CLINT1: variants seen among roughly 807,000 people sequenced by gnomAD.
The protein encoded by CLINT1 is clathrin interacting protein localized in the trans-Golgi region.
Under a neutral mutation model 70.4 loss-of-function variants are expected in CLINT1, and 15 were observed. That is an observed-to-expected ratio of 0.21 (90% CI 0.14 to 0.33). The LOEUF (loss-of-function observed/expected upper bound fraction) is 0.33, where lower values mean the gene tolerates loss of function less well. CLINT1 is among the 10% of genes least tolerant of loss of function. The pLI, the probability that CLINT1 is intolerant of heterozygous loss-of-function variation, is 1.00. For missense variants in CLINT1, 615 were observed against 778.1 expected (o/e 0.79, Z 2.49); for synonymous variants, 227 against 254.7 (o/e 0.89, Z 1.04).
At chr5:157,798,477 C>T (rs933227587) in intron 8 of CLINT1, among the ~76,000 whole-genome samples, 2 of 151,898 alleles carry the variant, frequency 1.3e-5, no homozygotes, top group South Asian at 2.1e-4. Flanking sequence ...AGTACTTAAA[C>T]GACAAATGGA....
intron 1 of CLINT1, among the ~76,000 whole-genome samples, chr5:157,844,244 CA>C (rs1753292985): frequency 6.6e-6 from 1 of 151,998 alleles, no homozygotes; most frequent in Non-Finnish European, 1.5e-5. Flanking sequence ...CTCAAGTTCT[CA>C]AAAAAGAAAC....
intron 1 of CLINT1, among the ~76,000 whole-genome samples, chr5:157,836,079 C>A (rs1763411932): frequency 6.6e-6 from 1 of 151,848 alleles, no homozygotes; most frequent in African/African-American, 2.4e-5. Context: ...CCTTTTTTTG[C>A]ACAATCTATT....
intron 1 of CLINT1, 71 bp from the exon 2 acceptor site, chr5:157,817,618 T>A: frequency 1.0e-6 from 1 of 1,000,930 alleles, no homozygotes; most frequent in Non-Finnish European, 1.5e-6. Flanking sequence ...CATGAAAACT[T>A]AATAATGACA....
Position 157,787,562 on chromosome 5 carries a change from G to C in CLINT1, c.*84C>G. ...TTTTAATTACTTGATAAAAGAAAGG[G>C]TAGTTGATTAGCATTTTCCATCCCA... On this transcript the variant is annotated 3_prime_UTR_variant, in exon 12 of 12. Transcript: ENST00000411809. The C allele has an allele frequency of 9.5e-7, 1 of 1,055,846 alleles. No individual in the cohort carries two copies. Among genetic ancestry groups the C allele is most frequent in the Non-Finnish European group, 1.4e-6 (1 of 708,854 alleles). 65.4% of individuals were successfully genotyped at this position (1,055,846 alleles called of 1,614,324 possible). A position where few individuals can be genotyped will look rare whatever the true frequency, so the allele number is the denominator to read the frequency against.
intron 7 of CLINT1, among the ~76,000 whole-genome samples, chr5:157,804,806 A>T (rs973708583): frequency 1.5e-4 from 23 of 152,200 alleles, no homozygotes; most frequent in African/African-American, 5.3e-4. Flanking sequence ...GCATGCCTGT[A>T]ATCTCAGCTA....
chr5:157,809,640 G>A lies in CLINT1; in HGVS notation c.683C>T (p.Pro228Leu). The change falls in exon 6 of 12, where the codon CCA (proline) becomes CTA (leucine). Residue 228 changes from proline to leucine, a missense_variant. This residue lies in a region of CLINT1 where 241 missense variants were observed against 368.6 expected (regional missense o/e 0.65). Transcript: ENST00000411809. The stretch of plus-strand genomic sequence containing the variant: ...AGTGGTAAAATACCTGCATCTTTCT[G>A]GAGAGTCTTCTCTATCTTTCCTCCG... ...KFRRKDREDSPERCSDSDEEK... is the reference protein window; with the variant it reads ...KFRRKDREDSLERCSDSDEEK... 1.2e-6 allele frequency: 2 copies of A among 1,606,274 alleles called. No homozygotes were observed. Among genetic ancestry groups the A allele is most frequent in the Admixed American group, 1.7e-5 (1 of 58,332 alleles).
At chr5:157,791,246 G>A (rs188450556) in intron 10 of CLINT1, among the ~76,000 whole-genome samples, 2 of 152,160 alleles carry the variant, frequency 1.3e-5, no homozygotes, top group African/African-American at 4.8e-5. Context: ...TTTTAGTAGA[G>A]ACTGGGTTTC....
intron 6 of CLINT1, among the ~76,000 whole-genome samples, 168 bp from the exon 7 acceptor site, chr5:157,806,280 T>C (rs1011085619): frequency 6.6e-6 from 1 of 152,192 alleles, no homozygotes; most frequent in African/African-American, 2.4e-5. Flanking sequence ...AATAATGATA[T>C]ATGTGCGCTG....
At chr5:157,803,517 C>A in intron 8 of CLINT1, 133 bp downstream of exon 8, 1 of 544,656 alleles carries the variant, frequency 1.8e-6, no homozygotes, top group Non-Finnish European at 3.1e-6. Context: ...CCAAATAATG[C>A]TCAAGACTCA....
intron 1 of CLINT1, among the ~76,000 whole-genome samples, chr5:157,817,822 G>C (rs1762767322): frequency 6.6e-6 from 1 of 152,032 alleles, no homozygotes; most frequent in Non-Finnish European, 1.5e-5. Context: ...ATGGCTGAAG[G>C]TCAAATTAAA....
At chr5:157,825,849 CG>C (rs2113245155) in intron 1 of CLINT1, among the ~76,000 whole-genome samples, 1 of 152,174 alleles carries the variant, frequency 6.6e-6, no homozygotes, top group South Asian at 2.1e-4. Context: ...TTTCAATAAT[CG>C]TTGAATCCAG....
intron 8 of CLINT1, among the ~76,000 whole-genome samples, chr5:157,801,761 T>G (rs540051944): frequency 6.6e-6 from 1 of 152,288 alleles, no homozygotes; most frequent in East Asian, 1.9e-4. Context: ...TGAATAAAGT[T>G]CATGCCTAAT....
chr5:157,800,268 G>A (rs982599094), intron 8 of CLINT1, among the ~76,000 whole-genome samples: 2 of 152,090 alleles, frequency 1.3e-5, no homozygotes, highest in African/African-American at 4.8e-5. Flanking sequence ...TTTTCTCAGA[G>A]GATATATTTA....
chr5:157,809,937 C>T, intron 5 of CLINT1, 132 bp from the exon 6 acceptor site: 3 of 810,182 alleles, frequency 3.7e-6, no homozygotes, highest in Non-Finnish European at 5.7e-6. Context: ...TCCCACAGTG[C>T]TGAATCAACA....
chr5:157,857,337 A>G (rs1007433149), intron 1 of CLINT1, among the ~76,000 whole-genome samples: 1 of 152,130 alleles, frequency 6.6e-6, no homozygotes, highest in Non-Finnish European at 1.5e-5. Flanking sequence ...ATGAACCTAG[A>G]TCTGGAAAAG....
chr5:157,789,568 C>T (rs765969897), intron 10 of CLINT1, 55 bp from the exon 11 acceptor site: 2 of 1,611,692 alleles, frequency 1.2e-6, no homozygotes, highest in East Asian at 2.2e-5. Context: ...TTTGCAAAGG[C>T]TGGAAAATAG....
At chr5:157,803,614 C>G in intron 8 of CLINT1, 36 bp downstream of exon 8, 1 of 1,385,072 alleles carries the variant, frequency 7.2e-7, no homozygotes, top group Non-Finnish European at 9.5e-7. Flanking sequence ...AAAAATGACT[C>G]TCAAACCAAA....
chr5:157,834,530 C>T (rs1427232439), intron 1 of CLINT1, among the ~76,000 whole-genome samples: 1 of 152,158 alleles, frequency 6.6e-6, no homozygotes, highest in African/African-American at 2.4e-5. Context: ...ATGATCAGGC[C>T]TCAACTTACC....
chr5:157,828,825 A>C (rs1413060944), intron 1 of CLINT1, among the ~76,000 whole-genome samples: 3 of 151,252 alleles, frequency 2.0e-5, no homozygotes, highest in Non-Finnish European at 4.4e-5. Flanking sequence ...ACGGTGGCTC[A>C]CACCTGTAAT....
Sources: gnomAD v4.1 joint callset for allele counts (sites outside exome capture counted in the v4.1 genomes callset) on GRCh38, gnomAD v4.1.1 for gene constraint, gnomAD v4.1.1 regional missense constraint, MANE v1.5 for transcripts, NCBI Gene and HGNC (gene_info 2026-07-23, HGNC 2026-07-21) for gene names.